Variants in KIF13B observed in about 807,000 individuals in gnomAD.
KIF13B encodes the protein kinesin-like protein KIF13B.
KIF13B carries 127 observed loss-of-function variants against 222.0 expected under a neutral mutation model. The observed-to-expected ratio is 0.57, with a 90% CI of 0.50 to 0.66. The LOEUF is 0.66. Ranked by LOEUF, KIF13B falls within the 30% of genes least tolerant of loss-of-function variation. The probability of loss-of-function intolerance (pLI) is 0.00; values close to 1 mark genes in which losing one functional copy is unlikely to be tolerated. For synonymous variants in KIF13B, 976 were observed against 919.0 expected (o/e 1.06, Z -1.12); for missense variants, 2,173 against 2,379.0 (o/e 0.91, Z 1.80).
chr8:29,109,131 C>A (rs777682979), intron 34 of KIF13B, among the ~76,000 whole-genome samples: 1 of 152,152 alleles, frequency 6.6e-6, no homozygotes, highest in African/African-American at 2.4e-5. Flanking sequence ...GCCATAGGCC[C>A]GTGGCTAGTT....
chr8:29,218,779 T>C (rs1207104551), intron 2 of KIF13B: 1 of 152,236 alleles, frequency 6.6e-6, no homozygotes, highest in Non-Finnish European at 1.5e-5. Context: ...TAGGGAAAGA[T>C]AATTTATTTC....
intron 8 of KIF13B, among the ~76,000 whole-genome samples, chr8:29,179,270 C>A (rs1193988873): frequency 6.6e-6 from 1 of 152,100 alleles, no homozygotes; most frequent in Non-Finnish European, 1.5e-5. Context: ...GCATGAACCA[C>A]CCACACCTTG....
intron 19 of KIF13B, 45 bp from the exon 20 acceptor site, chr8:29,140,662 A>G (rs2246691): frequency 0.16 from 255,252 of 1,559,896 alleles, 22,651 homozygotes; most frequent in Admixed American, 0.35. Flanking sequence ...AACCATTTAC[A>G]ATAAATGCAT....
intron 35 of KIF13B, among the ~76,000 whole-genome samples, chr8:29,105,726 T>C (rs1021691044): frequency 1.4e-5 from 2 of 139,414 alleles, no homozygotes; most frequent in African/African-American, 5.4e-5. Context: ...TGGCACGATC[T>C]TGGCTCACTG....
intron 3 of KIF13B, among the ~76,000 whole-genome samples, chr8:29,192,134 G>A (rs1813218530): frequency 6.6e-6 from 1 of 152,134 alleles, no homozygotes; most frequent in Non-Finnish European, 1.5e-5. Flanking sequence ...GTCTTCTCAA[G>A]GCCCAATGTC....
chr8:29,208,707 AG>A (rs939904340), intron 2 of KIF13B, among the ~76,000 whole-genome samples: 3 of 152,200 alleles, frequency 2.0e-5, no homozygotes, highest in African/African-American at 7.2e-5. Flanking sequence ...TTGGCCCATG[AG>A]GGTGGGACCT....
intron 2 of KIF13B, among the ~76,000 whole-genome samples, chr8:29,217,566 A>T (rs1401289769): frequency 6.6e-6 from 1 of 152,196 alleles, no homozygotes; most frequent in South Asian, 2.1e-4. Context: ...CTTCTATCTC[A>T]CTGATCCTTG....
chr8:29,131,220 A>G (rs144036047), intron 23 of KIF13B, among the ~76,000 whole-genome samples: 2 of 152,260 alleles, frequency 1.3e-5, no homozygotes, highest in African/African-American at 4.8e-5. Flanking sequence ...CCTCCTGAGT[A>G]CTATGCTTAC....
At chr8:29,115,754 C>T (rs1809564126) in intron 31 of KIF13B, among the ~76,000 whole-genome samples, 1 of 152,180 alleles carries the variant, frequency 6.6e-6, no homozygotes, top group Non-Finnish European at 1.5e-5. Context: ...TGGAGCTCCT[C>T]GCGGTCCCCG....
intron 8 of KIF13B, among the ~76,000 whole-genome samples, chr8:29,177,961 A>G (rs1812553699): frequency 6.6e-6 from 1 of 152,204 alleles, no homozygotes; most frequent in South Asian, 2.1e-4. Flanking sequence ...GTTATGATCT[A>G]AACCCTTTAT....
At chr8:29,258,382 A>AATCTTGCTTTGGG (rs1816562519) in intron 1 of KIF13B, among the ~76,000 whole-genome samples, 1 of 152,158 alleles carries the variant, frequency 6.6e-6, no homozygotes, top group Non-Finnish European at 1.5e-5. Context: ...TGAAGCTTCC[A>AATCTTGCTTTGGG]ATCTTGCTTT....
chr8:29,188,425 T>TA (rs1455278201), intron 5 of KIF13B, 90 bp downstream of exon 5: 1 of 742,464 alleles, frequency 1.3e-6, no homozygotes, highest in Non-Finnish European at 2.2e-6. Context: ...CAACAAGGAA[T>TA]AAATCAGCAA....
intron 10 of KIF13B, 79 bp from the exon 11 acceptor site, chr8:29,167,664 G>T: frequency 8.2e-7 from 1 of 1,221,448 alleles, no homozygotes; most frequent in Non-Finnish European, 1.2e-6. Context: ...AATCAAAAAT[G>T]GTGAACAAAT....
Position 29,160,760 on chromosome 8 carries a change from C to G in KIF13B, c.1377G>C (p.Leu459=), listed in dbSNP as rs567659262. Residue 459 remains leucine (L), a synonymous_variant, in exon 13 of 40, where the codon CTG becomes CTC. Coordinates refer to ENST00000524189, the MANE Select transcript of KIF13B (RefSeq NM_015254.4). The part of the protein sequence containing the change: ...FLVNLNADPA[L]NELLVYYLKE... Reference sequence around the variant, plus strand: ...TTAAATAGTACACCAGAAGCTCATTCAGAGCTGGGTCAGCATTCAGATTCA... The same window carrying G: ...TTAAATAGTACACCAGAAGCTCATTGAGAGCTGGGTCAGCATTCAGATTCA... 1 of 1,613,510 alleles carries G rather than the reference C, an allele frequency of 6.2e-7. No individual in the cohort carries two copies. Among genetic ancestry groups the G allele is most frequent in the South Asian group, 1.1e-5 (1 of 91,042 alleles).
At chr8:29,239,308 G>A (rs905202608) in intron 2 of KIF13B, among the ~76,000 whole-genome samples, 5 of 152,180 alleles carry the variant, frequency 3.3e-5, no homozygotes, top group Admixed American at 1.3e-4. Flanking sequence ...CCCTGTTTCC[G>A]TCTCTAAAAG....
intron 21 of KIF13B, among the ~76,000 whole-genome samples, chr8:29,135,494 A>G (rs1810515914): frequency 6.6e-6 from 1 of 152,254 alleles, no homozygotes; most frequent in Admixed American, 6.5e-5. Flanking sequence ...AGCATTAATC[A>G]TAAATCATAT....
Position 29,068,664 on chromosome 8 carries a change from C to T in KIF13B, c.*1840G>A, listed in dbSNP as rs1249167286. The T allele has an allele frequency of 6.6e-6, 1 of 152,416 alleles. No homozygotes were observed. Among genetic ancestry groups the T allele is most frequent in the Non-Finnish European group, 1.5e-5 (1 of 68,198 alleles). 9.4% of individuals were successfully genotyped at this position (152,416 alleles called of 1,614,324 possible). A position where few individuals can be genotyped will look rare whatever the true frequency, so the allele number is the denominator to read the frequency against. On this transcript the variant is annotated 3_prime_UTR_variant, in exon 40 of 40. Transcript: ENST00000524189. The surrounding 1 kb of genome is among the most constrained non-coding windows in gnomAD (Gnocchi z 4.4). ...GTCCGCCACCATTCCCAGAGCGTCC[C>T]CACTACACGGCCCAGGCGTTTCCCC...
intron 2 of KIF13B, among the ~76,000 whole-genome samples, chr8:29,225,781 T>A: frequency 6.6e-6 from 1 of 152,316 alleles, no homozygotes; most frequent in Admixed American, 6.5e-5. Context: ...AAGCACCACC[T>A]TAGTCCCCTG....
intron 3 of KIF13B, among the ~76,000 whole-genome samples, chr8:29,192,955 G>A (rs1263000555): frequency 1.3e-5 from 2 of 152,176 alleles, no homozygotes; most frequent in African/African-American, 2.4e-5. Flanking sequence ...AGCACAGGCT[G>A]CAAAGCCAGT....
Sources: gnomAD v4.1 joint callset for allele counts (sites outside exome capture counted in the v4.1 genomes callset) on GRCh38, gnomAD v4.1.1 for gene constraint, Gnocchi (gnomAD v3.1) non-coding constraint, MANE v1.5 for transcripts, NCBI Gene and HGNC (gene_info 2026-07-23, HGNC 2026-07-21) for gene names.